Variants in CHORDC1 observed in about 807,000 individuals in gnomAD.
CHORDC1 encodes the protein cysteine and histidine-rich domain-containing protein 1.
In CHORDC1, 25 loss-of-function variants were observed where a neutral mutation model predicts 48.3. The ratio of observed to expected loss-of-function variants is 0.52; its 90% CI spans 0.38 to 0.72. The LOEUF is 0.72. Ranked by LOEUF, CHORDC1 falls within the 30% of genes least tolerant of loss-of-function variation. The pLI is 0.00. For synonymous variants in CHORDC1, 128 were observed against 126.4 expected, an observed-to-expected ratio of 1.01 and a Z score of -0.09; for missense variants, 317 against 388.7, an observed-to-expected ratio of 0.82 and a Z score of 1.55.
At chr11:90,202,705 A>T in intron 10 of CHORDC1, 108 bp downstream of exon 10, 1 of 1,397,344 alleles carries the variant, frequency 7.2e-7, no homozygotes, top group Non-Finnish European at 9.7e-7. Context: ...ATACACTGTT[A>T]AGTTATACAT....
intron 1 of CHORDC1, among the ~76,000 whole-genome samples, chr11:90,222,302 G>GT (rs2135062834): frequency 6.6e-6 from 1 of 152,254 alleles, no homozygotes; most frequent in East Asian, 1.9e-4. Context: ...GATAACTAAC[G>GT]TACCACCAGG....
chr11:90,220,446 G>A (rs923982910), intron 1 of CHORDC1, among the ~76,000 whole-genome samples: 4 of 152,192 alleles, frequency 2.6e-5, no homozygotes, highest in Non-Finnish European at 5.9e-5. Flanking sequence ...AGGACATGAA[G>A]TTGAGAGGGG....
chr11:90,216,453 T>C (rs917776378), intron 2 of CHORDC1: 16 of 308,734 alleles, frequency 5.2e-5, no homozygotes, highest in Admixed American at 1.5e-4. Flanking sequence ...ATGCAATGTT[T>C]AACTTCTTAC....
chr11:90,205,805 C>CT, intron 7 of CHORDC1: 1 of 485,454 alleles, frequency 2.1e-6, no homozygotes, highest in Non-Finnish European at 3.6e-6. Context: ...AGAAGAGAGG[C>CT]TCTCAACTGC....
rs1857583049 is a variant in CHORDC1, at chr11:90,203,166, G to C, written c.789+142C>G. The C allele has an allele frequency of 4.8e-6, 4 of 830,890 alleles. No homozygotes were observed. In the South Asian group the frequency reaches 7.9e-5, roughly 16 times the overall value. 51.5% of individuals were successfully genotyped at this position (830,890 alleles called of 1,614,324 possible). A position where few individuals can be genotyped will look rare whatever the true frequency, so the allele number is the denominator to read the frequency against. ...TTTCATTTAAAATAGTTTCATAGAA[G>C]TAATTTAATTTTTTTTAATGGGAGT... On this transcript the variant is annotated intron_variant, in intron 9 of 10. Transcript: ENST00000320585.
chr11:90,215,163 T>C lies in CHORDC1; in HGVS notation c.171+11A>G, dbSNP rs1449189500. The stretch of plus-strand genomic sequence containing the variant: ...TAGGAAGATAATCTAGAAAAAATAA[T>C]TAGTACTTACTACAATGCTTAAGAA... On this transcript the variant is annotated intron_variant, in intron 3 of 10. Transcript: ENST00000320585. The C allele has an allele frequency of 1.3e-5, 19 of 1,428,152 alleles. No homozygotes were observed. Among genetic ancestry groups the C allele is most frequent in the Non-Finnish European group, 1.8e-5 (19 of 1,042,578 alleles). The allele number at this position is 1,428,152 out of a possible 1,614,324, so 88.5% of individuals were successfully genotyped here. A position where few individuals can be genotyped will look rare whatever the true frequency, so the allele number is the denominator to read the frequency against.
At position 90,202,447 on chromosome 11, in the gene CHORDC1, T is replaced by C. The variant is rs763934527; in HGVS notation, c.957A>G (p.Ala319=). 1.7e-5 allele frequency: 28 copies of C among 1,611,920 alleles called. No homozygotes were observed. In the African/African-American group the frequency reaches 3.6e-4, roughly 21 times the overall value. The change falls in exon 11 of 11, where the codon GCA becomes GCG. Residue 319 remains alanine (A), a synonymous_variant. Coordinates refer to ENST00000320585, the MANE Select transcript of CHORDC1 (RefSeq NM_012124.3). ...CTTTTTGTTTTTCCTGCTTTTTAGC[T>C]GCAGGCAGTTCAAGGCTTGCCCACT... The part of the protein sequence containing the change: ...PMQWASLELP[A]AKKQEKQKDA...
chr11:90,209,384 G>C (rs1409525483), intron 6 of CHORDC1: 1 of 152,086 alleles, frequency 6.6e-6, no homozygotes, highest in Non-Finnish European at 1.5e-5. Flanking sequence ...TAATACCATT[G>C]TTAAGTCAAA....
Position 90,206,252 on chromosome 11 carries a change from A to G in CHORDC1, c.513T>C (p.Ser171=), listed in dbSNP as rs1434458620. 5.7e-6 allele frequency: 9 copies of G among 1,571,708 alleles called. No individual in the cohort carries two copies. The Admixed American group carries it at 1.5e-4, about 26-fold the overall frequency. Residue 171 remains serine (S), a synonymous_variant, in exon 7 of 11, where the codon AGT becomes AGC. Coordinates refer to ENST00000320585, the MANE Select transcript of CHORDC1 (RefSeq NM_012124.3). ...GCSKTYQGLE[S]LEEVCVYHSG... ...AATGATATACACAGACTTCTTCTAG[A>G]CTCTCTAGACCCTGGTATGTCTAAA...
At chr11:90,207,122 A>T (rs1857718114) in intron 6 of CHORDC1, 1 of 207,404 alleles carries the variant, frequency 4.8e-6, no homozygotes, top group Non-Finnish European at 1.0e-5. Flanking sequence ...CCTCTTCAGC[A>T]TCTCCTCTCC....
At chr11:90,216,399 C>T in intron 2 of CHORDC1, 1 of 225,242 alleles carries the variant, frequency 4.4e-6, no homozygotes, top group Non-Finnish European at 8.9e-6. Context: ...GTCCTTTTCT[C>T]TGAATATGCC....
chr11:90,213,405 G>A (rs1591056536), intron 4 of CHORDC1: 1 of 698,646 alleles, frequency 1.4e-6, no homozygotes, highest in Non-Finnish European at 2.6e-6. Flanking sequence ...GTACTCAAGT[G>A]TAGCACGAAG....
At chr11:90,218,974 AT>A (rs907466339) in intron 1 of CHORDC1, among the ~76,000 whole-genome samples, 4 of 151,182 alleles carry the variant, frequency 2.6e-5, no homozygotes, top group African/African-American at 9.7e-5. Flanking sequence ...AAAAAAAAAA[AT>A]AGAAGTCTAG....
intron 2 of CHORDC1, among the ~76,000 whole-genome samples, chr11:90,216,064 A>G (rs1272267362): frequency 1.3e-5 from 2 of 152,078 alleles, no homozygotes; most frequent in African/African-American, 4.8e-5. Context: ...CTATAATTCA[A>G]ATTTTCCTTT....
chr11:90,211,232 T>C lies in CHORDC1; in HGVS notation c.416A>G (p.Asn139Ser), dbSNP rs766925076. ...ALDKLKLSSG[N>S]EENKKEEDND... ...AATCTTACCTTTCTTATTTTCTTCA[T>C]TCCCTGATGACAGTTTAAGTTTATC... The change falls in exon 5 of 11, where the codon AAT (asparagine) becomes AGT (serine). Residue 139 changes from asparagine (N) to serine (S), a missense_variant. Physicochemically the swap from Asn to Ser is conservative, Grantham distance 46 (BLOSUM62 1). Transcript: ENST00000320585. 7 of 1,579,520 alleles carry C rather than the reference T, an allele frequency of 4.4e-6. No homozygotes were observed. In the East Asian group the frequency reaches 1.6e-4, roughly 35 times the overall value.
rs1857808160 is a variant in CHORDC1, at chr11:90,209,715, C to T, written c.492+821G>A. Among the ~76,000 whole-genome samples the T allele has an allele frequency of 2.0e-5, 3 of 152,080 alleles. 1 individual carries two copies. Among genetic ancestry groups the T allele is most frequent in the Admixed American group, 2.0e-4 (3 of 15,264 alleles). ...GGCTTACTGGTATGTTTGACCGCAT[C>T]CCACATTTAATCACTTCTCAACAAA... On this transcript the variant is annotated intron_variant, in intron 6 of 10. Transcript: ENST00000320585.
At chr11:90,210,616 C>A in intron 5 of CHORDC1, 22 bp from the exon 6 acceptor site, 3 of 1,470,940 alleles carry the variant, frequency 2.0e-6, no homozygotes, top group South Asian at 2.4e-5. Flanking sequence ...AAAAAAAAAT[C>A]AAATTAAAAA....
At chr11:90,209,146 C>G (rs1462993329) in intron 6 of CHORDC1, 1 of 152,178 alleles carries the variant, frequency 6.6e-6, no homozygotes, top group Non-Finnish European at 1.5e-5. Flanking sequence ...CTTTTATCTA[C>G]TACTTCTACC....
intron 1 of CHORDC1, among the ~76,000 whole-genome samples, chr11:90,221,601 TTAA>T (rs1323845104): frequency 6.6e-6 from 1 of 152,236 alleles, no homozygotes; most frequent in African/African-American, 2.4e-5. Context: ...ATAAGTGCAA[TTAA>T]TGTTTTACAT....
Sources: gnomAD v4.1 joint callset for allele counts (sites outside exome capture counted in the v4.1 genomes callset) on GRCh38, gnomAD v4.1.1 for gene constraint, MANE v1.5 for transcripts, NCBI Gene and HGNC (gene_info 2026-07-23, HGNC 2026-07-21) for gene names.